The following UNC93A variants were observed in gnomAD, a reference collection of about 807,000 sequenced individuals.
UNC93A encodes N-acetylglucosamine transporter UNC93A.
Under a neutral mutation model 47.5 loss-of-function variants are expected in UNC93A, and 43 were observed. The observed-to-expected ratio is 0.91, with a 90% CI of 0.71 to 1.17. UNC93A has a LOEUF of 1.17. Among genes scored for constraint, UNC93A ranks in the 50% most tolerant of loss-of-function variants. UNC93A has a pLI of 0.00. For missense variants in UNC93A, 605 were observed against 577.6 expected (o/e 1.05, Z -0.49); for synonymous variants, 280 against 258.0 (o/e 1.09, Z -0.82).
chr6:167,290,572 G>A (rs919394773), upstream of UNC93A, among the ~76,000 whole-genome samples: 2 of 152,138 alleles, frequency 1.3e-5, no homozygotes, highest in African/African-American at 2.4e-5. Context: ...GACTTACCCC[G>A]TCTAATACAG....
intron 1 of UNC93A, 41 bp from the exon 2 acceptor site, chr6:167,294,476 G>A: frequency 6.2e-7 from 1 of 1,609,986 alleles, no homozygotes; most frequent in Non-Finnish European, 8.5e-7. Flanking sequence ...ATCCCGCTGT[G>A]TCCATCCTGT....
At chr6:167,306,800 C>T (rs562189538) in intron 6 of UNC93A, among the ~76,000 whole-genome samples, 2 of 152,208 alleles carry the variant, frequency 1.3e-5, no homozygotes, top group Non-Finnish European at 2.9e-5. Flanking sequence ...CCTAAGGTGG[C>T]ACAGCCCTGG....
intron 1 of UNC93A, among the ~76,000 whole-genome samples, chr6:167,282,810 T>C (rs1437983683): frequency 6.6e-6 from 1 of 152,156 alleles, no homozygotes; most frequent in Non-Finnish European, 1.5e-5. Flanking sequence ...CATCAGTCAA[T>C]GCATGTAATG....
intron 1 of UNC93A, among the ~76,000 whole-genome samples, chr6:167,286,257 T>C (rs9800861): frequency 0.018 from 2,758 of 152,250 alleles, 48 homozygotes; most frequent in East Asian, 0.071. Flanking sequence ...GCAAACCCTT[T>C]CCAAAGACAG....
At chr6:167,287,896 A>G (rs956044656), upstream of UNC93A, among the ~76,000 whole-genome samples, 16 of 152,188 alleles carry the variant, frequency 1.1e-4, no homozygotes, top group African/African-American at 1.4e-4. Flanking sequence ...ACGGTGATCA[A>G]TCACAGAGCT....
chr6:167,291,280 C>T (rs79650283), upstream of UNC93A: 4,570 of 438,610 alleles, frequency 0.01, 48 homozygotes, highest in Middle Eastern at 0.034. Flanking sequence ...AACAGAGCTC[C>T]CGTATGCTTC....
intron 1 of UNC93A, among the ~76,000 whole-genome samples, chr6:167,282,801 A>C (rs1783655556): frequency 6.6e-6 from 1 of 152,214 alleles, no homozygotes. Context: ...GACAGAAGAC[A>C]TCAGTCAATG....
Position 167,294,716 on chromosome 6 carries a change from C to G in UNC93A, c.269+18C>G. On this transcript the variant is annotated intron_variant, in intron 2 of 7. Coordinates refer to ENST00000230256, the MANE Select transcript of UNC93A (RefSeq NM_018974.4). The stretch of plus-strand genomic sequence containing the variant: ...GCCAGCTGGTACGCAGCCACCACCC[C>G]CTGCCCACCCCACCCCGGCCGTTCC... 6.4e-7 allele frequency: 1 copy of G among 1,572,076 alleles called. No homozygotes were observed. The highest frequency in any genetic ancestry group is 8.7e-7 in the Non-Finnish European group (1 of 1,154,724).
chr6:167,299,185 C>A (rs967255606), intron 4 of UNC93A, among the ~76,000 whole-genome samples: 3 of 130,948 alleles, frequency 2.3e-5, no homozygotes, highest in Non-Finnish European at 4.6e-5. Flanking sequence ...TACATATACA[C>A]GTATATATTT....
intron 2 of UNC93A, 71 bp downstream of exon 2, chr6:167,294,769 T>TGTGCA: frequency 6.9e-7 from 1 of 1,452,036 alleles, no homozygotes; most frequent in Non-Finnish European, 9.2e-7. Context: ...ACTCTGCACA[T>TGTGCA]GAGTTGCATT....
chr6:167,287,687 GTGTGTGTGTGTGCATGTGTGTGCATA>G (rs1457969984), upstream of UNC93A, among the ~76,000 whole-genome samples: 36 of 150,146 alleles, frequency 2.4e-4, no homozygotes, highest in Admixed American at 2.2e-3. Context: ...TAAAAAGGGT[GTGTGTGTGTGTGCATGTGTGTGCATA>G]TGTGTGTGTG....
rs974138066 is a variant in UNC93A, at chr6:167,315,075, A to G, written c.1109-112A>G. 3 of 1,471,300 alleles carry G rather than the reference A, an allele frequency of 2.0e-6. No individual in the cohort carries two copies. In the Admixed American group the frequency reaches 6.7e-5, roughly 33 times the overall value. The allele number at this position is 1,471,300 out of a possible 1,614,324, so 91.1% of individuals were successfully genotyped here. A position where few individuals can be genotyped will look rare whatever the true frequency, so the allele number is the denominator to read the frequency against. ...AATCATTCTGTTGTGAAAAAAGAAA[A>G]ATGTCTTGATTTAGTTGAGAAAATG... is the stretch of plus-strand genomic sequence containing the variant. On this transcript the variant is annotated intron_variant, in intron 7 of 7. Coordinates refer to ENST00000230256, the MANE Select transcript of UNC93A (RefSeq NM_018974.4).
chr6:167,305,591 T>A (rs543556966), intron 5 of UNC93A, among the ~76,000 whole-genome samples: 1 of 152,148 alleles, frequency 6.6e-6, no homozygotes, highest in South Asian at 2.1e-4. Flanking sequence ...ACCTAACAGG[T>A]AATGATTGGC....
chr6:167,307,976 T>G, intron 7 of UNC93A, 66 bp downstream of exon 7: 1 of 1,589,520 alleles, frequency 6.3e-7, no homozygotes, highest in Non-Finnish European at 8.6e-7. Context: ...AAGGCAACTG[T>G]GGGGCTCATT....
At chr6:167,298,205 G>T in intron 4 of UNC93A, 135 bp downstream of exon 4, 1 of 1,373,882 alleles carries the variant, frequency 7.3e-7, no homozygotes, top group Non-Finnish European at 9.6e-7. Flanking sequence ...AAATGTATTG[G>T]TCTGGATTAT....
intron 5 of UNC93A, among the ~76,000 whole-genome samples, chr6:167,304,704 G>A (rs1416409733): frequency 2.0e-5 from 3 of 152,122 alleles, no homozygotes; most frequent in African/African-American, 7.2e-5. Flanking sequence ...CCAAGTAGCT[G>A]GGATTACAGG....
chr6:167,277,250 C>T (rs1783558690), intron 1 of UNC93A, among the ~76,000 whole-genome samples: 3 of 152,346 alleles, frequency 2.0e-5, no homozygotes, highest in South Asian at 4.1e-4. Flanking sequence ...TCCTGCCTGG[C>T]TTCTGCTGTG....
chr6:167,273,394 T>A (rs1362740379), intron 1 of UNC93A, among the ~76,000 whole-genome samples: 1 of 152,150 alleles, frequency 6.6e-6, no homozygotes, highest in Non-Finnish European at 1.5e-5. Flanking sequence ...TGCCTCCTCA[T>A]TGGCCCATGG....
intron 2 of UNC93A, 37 bp downstream of exon 2, chr6:167,294,735 C>T (rs770796276): frequency 1.2e-5 from 18 of 1,554,326 alleles, no homozygotes; most frequent in Non-Finnish European, 1.6e-5. Flanking sequence ...CCCACCCCGG[C>T]CGTTCCCCAC....
Sources: allele counts gnomAD v4.1 joint callset (sites outside exome capture counted in the v4.1 genomes callset), GRCh38; gene constraint gnomAD v4.1.1; transcripts MANE v1.5; gene names NCBI Gene and HGNC (gene_info 2026-07-23, HGNC 2026-07-21).